Variants in TIMP3 observed in about 807,000 individuals in gnomAD.
TIMP3 encodes TIMP metallopeptidase inhibitor 3, also known as metalloproteinase inhibitor 3.
In TIMP3, 11 loss-of-function variants were observed where a neutral mutation model predicts 30.0. The ratio of observed to expected loss-of-function variants is 0.37; its 90% CI spans 0.23 to 0.61. The LOEUF (loss-of-function observed/expected upper bound fraction) is 0.61, where lower values mean the gene tolerates loss of function less well. TIMP3 is among the 20% of genes least tolerant of loss of function. TIMP3 has a pLI of 0.70. For synonymous variants in TIMP3, 112 were observed against 111.3 expected, an observed-to-expected ratio of 1.01 and a Z score of -0.04; for missense variants, 181 against 276.8, an observed-to-expected ratio of 0.65 and a Z score of 2.45.
rs965346528 is a variant in TIMP3 at position 32,859,701 on chromosome 22, A to C, written c.*324A>C. On this transcript the variant is annotated 3_prime_UTR_variant, in exon 5 of 5. Transcript: ENST00000266085. Reference sequence around the variant, plus strand: ...TTTTTTTAGGAAAACAAAAATGAAAAACTACTCCATTTGAGGATTGTAATT... The same window carrying C: ...TTTTTTTAGGAAAACAAAAATGAAACACTACTCCATTTGAGGATTGTAATT... The C allele has an allele frequency of 2.8e-5, 9 of 325,700 alleles. No homozygotes were observed. The highest frequency in any genetic ancestry group is 8.6e-5 in the African/African-American group (4 of 46,324). The allele number at this position is 325,700 out of a possible 1,614,324, so 20.2% of individuals were successfully genotyped here. A position where few individuals can be genotyped will look rare whatever the true frequency, so the allele number is the denominator to read the frequency against.
rs762314578 is a variant in TIMP3 at position 32,858,085 on chromosome 22, C to T, written c.385C>T (p.Leu129Phe). The change falls in exon 4 of 5, where the codon CTC becomes TTC. Residue 129 changes from leucine to phenylalanine, a missense_variant. Physicochemically the swap from Leu to Phe is conservative, Grantham distance 22. This residue lies in a region of TIMP3 where 63 missense variants were observed against 133.3 expected (regional missense o/e 0.47). Transcript: ENST00000266085. ...CGTGGAGAGGTGGGACCAGCTCACC[C>T]TCTCCCAGCGCAAGGGGCTGAACTA... is the stretch of plus-strand genomic sequence containing the variant. ...NFVERWDQLTLSQRKGLNYRY... is the reference protein window; with the variant it reads ...NFVERWDQLTFSQRKGLNYRY... 1 of 1,614,208 alleles carries T rather than the reference C, an allele frequency of 6.2e-7. No homozygotes were observed. Among genetic ancestry groups the T allele is most frequent in the Non-Finnish European group, 8.5e-7 (1 of 1,180,038 alleles).
intron 1 of TIMP3, among the ~76,000 whole-genome samples, chr22:32,830,890 C>T (rs1169072710): frequency 1.3e-5 from 2 of 152,176 alleles, no homozygotes; most frequent in African/African-American, 4.8e-5. Context: ...CCCAGAACAC[C>T]GCGATCTGCT....
chr22:32,808,910 T>C (rs1487778604), intron 1 of TIMP3, among the ~76,000 whole-genome samples: 1 of 152,202 alleles, frequency 6.6e-6, no homozygotes, highest in Admixed American at 6.5e-5. Flanking sequence ...GGGATAAACC[T>C]AACCCACTTT....
intron 1 of TIMP3, among the ~76,000 whole-genome samples, chr22:32,811,397 T>C (rs1022741803): frequency 6.6e-6 from 1 of 152,198 alleles, no homozygotes; most frequent in African/African-American, 2.4e-5. Context: ...AGTGTTGTTA[T>C]AGAGCAGAGC....
chr22:32,845,813 G>T (rs1415996401), intron 1 of TIMP3, among the ~76,000 whole-genome samples: 1 of 152,192 alleles, frequency 6.6e-6, no homozygotes, highest in African/African-American at 2.4e-5. Context: ...TCTGTTGTTG[G>T]AAAAGCACAA....
rs561516043 is a variant in TIMP3, at chr22:32,817,058, A to G, written c.121+14936A>G. On this transcript the variant is annotated intron_variant, in intron 1 of 4. Coordinates refer to ENST00000266085, the MANE Select transcript of TIMP3 (RefSeq NM_000362.5). The stretch of plus-strand genomic sequence containing the variant: ...CATAGTAAGATTCCCTGTCTCTACT[A>G]ATTTAAAAAAAAAAAAAAGAAAAGG... Among the ~76,000 whole-genome samples the G allele has an allele frequency of 1.5e-3, 40 of 25,952 alleles. No individual in the cohort carries two copies. In the East Asian group the frequency reaches 0.041, roughly 27 times the overall value. The allele number at this position is 25,952 out of a possible 152,430, so 17.0% of individuals were successfully genotyped here.
chr22:32,807,397 A>ATATATATATTATATTTACATATATAT (rs1294303261), intron 1 of TIMP3, among the ~76,000 whole-genome samples: 2 of 105,858 alleles, frequency 1.9e-5, no homozygotes, highest in South Asian at 5.9e-4. Flanking sequence ...TATATATAAT[A>ATATATATATTATATTTACATATATAT]TATATATATT....
At chr22:32,814,782 G>A (rs1308398915) in intron 1 of TIMP3, among the ~76,000 whole-genome samples, 1 of 152,024 alleles carries the variant, frequency 6.6e-6, no homozygotes, top group Admixed American at 6.6e-5. Context: ...TCACAAGCGG[G>A]GAGACAGAAA....
chr22:32,812,651 T>C (rs2046946111), intron 1 of TIMP3, among the ~76,000 whole-genome samples: 1 of 152,246 alleles, frequency 6.6e-6, no homozygotes, highest in Non-Finnish European at 1.5e-5. Flanking sequence ...ATGTGGTTCA[T>C]GGCTCGGCTC....
intron 1 of TIMP3, among the ~76,000 whole-genome samples, chr22:32,819,077 G>A (rs2047165565): frequency 6.6e-6 from 1 of 152,266 alleles, no homozygotes; most frequent in Non-Finnish European, 1.5e-5. Flanking sequence ...GGTGGAGCTG[G>A]ATCTGCCACT....
intron 1 of TIMP3, among the ~76,000 whole-genome samples, chr22:32,814,857 T>G (rs762727218): frequency 2.4e-4 from 36 of 152,208 alleles, no homozygotes; most frequent in Admixed American, 1.4e-3. Context: ...GAGCCATGTA[T>G]GCAATTTTGA....
At chr22:32,820,493 G>A (rs888749793) in intron 1 of TIMP3, among the ~76,000 whole-genome samples, 2 of 152,052 alleles carry the variant, frequency 1.3e-5, no homozygotes, top group Admixed American at 1.3e-4. Flanking sequence ...GTAACTCCCC[G>A]GCACCTGGCT....
rs573422637 is a variant in TIMP3, at chr22:32,859,599, C to T, written c.*222C>T. The T allele has an allele frequency of 3.1e-5, 18 of 578,670 alleles. No homozygotes were observed. The East Asian group carries it at 5.0e-4, about 16-fold the overall frequency. 35.8% of individuals were successfully genotyped at this position (578,670 alleles called of 1,614,324 possible). Reference sequence around the variant, plus strand: ...TTTTGGTTTTGACATCATTCATTTCCACCTGGGAATTTCTGGTGCCATGCC... The same window carrying T: ...TTTTGGTTTTGACATCATTCATTTCTACCTGGGAATTTCTGGTGCCATGCC... On this transcript the variant is annotated 3_prime_UTR_variant, in exon 5 of 5. Coordinates refer to ENST00000266085, the MANE Select transcript of TIMP3 (RefSeq NM_000362.5).
chr22:32,819,301 A>C (rs536709314), intron 1 of TIMP3, among the ~76,000 whole-genome samples: 12 of 152,236 alleles, frequency 7.9e-5, no homozygotes, highest in Non-Finnish European at 1.5e-4. Context: ...CTTAGTGAGA[A>C]GGCATCTCAG....
intron 1 of TIMP3, among the ~76,000 whole-genome samples, chr22:32,802,740 T>G (rs2046623810): frequency 3.3e-5 from 5 of 152,160 alleles, no homozygotes; most frequent in Non-Finnish European, 1.5e-5. Context: ...ACCCACGCCC[T>G]GGAGGCACTG....
chr22:32,802,400 T>C (rs973053950), intron 1 of TIMP3, among the ~76,000 whole-genome samples: 13 of 151,766 alleles, frequency 8.6e-5, no homozygotes, highest in African/African-American at 3.1e-4. Context: ...CCTTTTGACA[T>C]CTGGAAAATG....
intron 1 of TIMP3, among the ~76,000 whole-genome samples, chr22:32,814,177 AAAGAAAAG>A (rs1386557172): frequency 9.4e-5 from 5 of 53,424 alleles, no homozygotes; most frequent in African/African-American, 1.7e-4. Flanking sequence ...AAAGAGAAAG[AAAGAAAAG>A]AAAGAAAGAA....
At chr22:32,820,166 C>T (rs2047196012) in intron 1 of TIMP3, among the ~76,000 whole-genome samples, 1 of 152,056 alleles carries the variant, frequency 6.6e-6, no homozygotes, top group Admixed American at 6.6e-5. Flanking sequence ...CTGAGGCTGG[C>T]TCCTGTGCCC....
intron 1 of TIMP3, among the ~76,000 whole-genome samples, chr22:32,824,752 C>T (rs1266386413): frequency 2.6e-5 from 4 of 152,136 alleles, no homozygotes; most frequent in Non-Finnish European, 5.9e-5. Context: ...GTTGTTCTTT[C>T]GCTTCTGAAC....
Sources: allele counts gnomAD v4.1 joint callset (sites outside exome capture counted in the v4.1 genomes callset), GRCh38; gene constraint gnomAD v4.1.1; regional missense constraint gnomAD v4.1.1; transcripts MANE v1.5; gene names NCBI Gene and HGNC (gene_info 2026-07-23, HGNC 2026-07-21).